The following GUCY2C variants were observed in gnomAD, a reference collection of about 807,000 sequenced individuals.
GUCY2C encodes the protein guanylyl cyclase C.
Under a neutral mutation model 131.1 loss-of-function variants are expected in GUCY2C, and 118 were observed. That is an observed-to-expected ratio of 0.90 (90% CI 0.78 to 1.05). The LOEUF (loss-of-function observed/expected upper bound fraction) is 1.05, where lower values mean the gene tolerates loss of function less well. Among genes scored for constraint, GUCY2C ranks in the 50% least tolerant of loss-of-function variants. The pLI is 0.00. For synonymous variants in GUCY2C, 452 were observed against 457.8 expected (o/e 0.99, Z 0.16); for missense variants, 1,161 against 1,304.4 (o/e 0.89, Z 1.69).
At chr12:14,672,698 G>A (rs1430845357) in intron 9 of GUCY2C, among the ~76,000 whole-genome samples, 175 bp downstream of exon 9, 3 of 152,114 alleles carry the variant, frequency 2.0e-5, no homozygotes, top group South Asian at 4.1e-4. Flanking sequence ...AGTTTTATGG[G>A]TCAAAATGCT....
intron 3 of GUCY2C, among the ~76,000 whole-genome samples, chr12:14,683,653 G>A (rs536759839): frequency 2.0e-5 from 3 of 152,256 alleles, no homozygotes; most frequent in East Asian, 3.9e-4. Flanking sequence ...CTTCTCCCCA[G>A]CTTGTTCACC....
In GUCY2C at chr12:14,670,816, AT is replaced by A. The variant is rs537490174; in HGVS notation, c.1171-984del. Among the ~76,000 whole-genome samples, 839 of 151,878 alleles carry A rather than the reference AT, an allele frequency of 5.5e-3. 9 individuals are homozygous for A. Among genetic ancestry groups the A allele is most frequent in the Middle Eastern group, 0.01 (3 of 294 alleles). Reference sequence around the variant, plus strand: ...GGAGTCCATGAAACCTCTGAAAAAAATTTTTTTTTTCTCTTTTTTTTGGGGA... The same window carrying A: ...GGAGTCCATGAAACCTCTGAAAAAAATTTTTTTTTCTCTTTTTTTTGGGGA... On this transcript the variant is annotated intron_variant, in intron 9 of 26. Coordinates refer to ENST00000261170, the MANE Select transcript of GUCY2C (RefSeq NM_004963.4).
intron 10 of GUCY2C, 29 bp from the exon 11 acceptor site, chr12:14,661,091 CT>C: frequency 2.1e-6 from 3 of 1,411,350 alleles, no homozygotes; most frequent in Non-Finnish European, 2.0e-6. Flanking sequence ...TAGGAAGGAC[CT>C]TAGACAAGAG....
intron 21 of GUCY2C, among the ~76,000 whole-genome samples, chr12:14,624,982 G>C (rs959407245): frequency 6.6e-6 from 1 of 152,176 alleles, no homozygotes; most frequent in African/African-American, 2.4e-5. Context: ...TATTTATGGA[G>C]CTGTGATAGA....
intron 9 of GUCY2C, among the ~76,000 whole-genome samples, chr12:14,671,243 C>T (rs529119994): frequency 6.6e-6 from 1 of 152,160 alleles, no homozygotes; most frequent in African/African-American, 2.4e-5. Context: ...GTTCAAATGA[C>T]TCTCCTGTCT....
At chr12:14,680,655 C>T (rs1948330642) in intron 5 of GUCY2C, among the ~76,000 whole-genome samples, 1 of 152,038 alleles carries the variant, frequency 6.6e-6, no homozygotes, top group African/African-American at 2.4e-5. Flanking sequence ...CCCCTAATAT[C>T]TTAGTGAGGA....
At chr12:14,687,894 C>T in intron 2 of GUCY2C, 57 bp downstream of exon 2, 2 of 922,098 alleles carry the variant, frequency 2.2e-6, no homozygotes, top group Non-Finnish European at 3.6e-6. Context: ...ACATTTCACA[C>T]TGGGATTATC....
chr12:14,625,422 G>A (rs945725761), intron 21 of GUCY2C, among the ~76,000 whole-genome samples: 9 of 151,376 alleles, frequency 5.9e-5, no homozygotes, highest in African/African-American at 1.9e-4. Flanking sequence ...CCGCATCTTG[G>A]GTTCACTCCA....
At chr12:14,684,554 T>G (rs1948420237) in intron 3 of GUCY2C, among the ~76,000 whole-genome samples, 1 of 149,354 alleles carries the variant, frequency 6.7e-6, no homozygotes, top group South Asian at 2.2e-4. Context: ...TCTCTCTCTT[T>G]CTTTCTTTCC....
intron 4 of GUCY2C, 81 bp from the exon 5 acceptor site, chr12:14,681,558 A>G (rs1054258279): frequency 1.7e-5 from 20 of 1,203,058 alleles, no homozygotes; most frequent in South Asian, 1.0e-4. Flanking sequence ...TTGCAGATCT[A>G]TCCTGGGATT....
rs1464176468 is a variant in GUCY2C, at chr12:14,634,672, C to A, written c.2157+5190G>T. Among the ~76,000 whole-genome samples, 3 of 152,256 alleles carry A rather than the reference C, an allele frequency of 2.0e-5. No homozygotes were observed. In the East Asian group the frequency reaches 5.8e-4, roughly 29 times the overall value. On this transcript the variant is annotated intron_variant, in intron 19 of 26. Coordinates refer to ENST00000261170, the MANE Select transcript of GUCY2C (RefSeq NM_004963.4). The stretch of plus-strand genomic sequence containing the variant: ...TTCACTTAAAAGATATAGACTGGTT[C>A]AATGGATTTTTAAAAATGACCCAAC...
intron 3 of GUCY2C, among the ~76,000 whole-genome samples, chr12:14,684,601 C>T (rs1284412953): frequency 0.06 from 131 of 2,188 alleles, 5 homozygotes; most frequent in African/African-American, 0.18. Context: ...TCCTTCCTTC[C>T]TTCCTTCCTT....
At chr12:14,622,841 C>A (rs1946923292) in intron 21 of GUCY2C, among the ~76,000 whole-genome samples, 1 of 152,094 alleles carries the variant, frequency 6.6e-6, no homozygotes, top group Non-Finnish European at 1.5e-5. Context: ...ATTAAAGCAA[C>A]TTTTAGAATA....
intron 7 of GUCY2C, among the ~76,000 whole-genome samples, chr12:14,675,207 C>CAAAAAAAAAAAAAAAAAAAAAA (rs35870014): frequency 2.9e-5 from 1 of 34,784 alleles, no homozygotes; most frequent in African/African-American, 1.2e-4. Context: ...AACTCCATCT[C>CAAAAAAAAAAAAAAAAAAAAAA]AAAAAAAAAA....
At chr12:14,634,388 C>T (rs973687125) in intron 19 of GUCY2C, among the ~76,000 whole-genome samples, 1 of 152,150 alleles carries the variant, frequency 6.6e-6, no homozygotes, top group Non-Finnish European at 1.5e-5. Context: ...TGCTTCAGGG[C>T]GTCCTACGCC....
chr12:14,660,258 T>A (rs189253793), intron 11 of GUCY2C, among the ~76,000 whole-genome samples: 446 of 152,368 alleles, frequency 2.9e-3, no homozygotes, highest in Non-Finnish European at 4.6e-3. Flanking sequence ...ATTATAAGTT[T>A]GGCATTTAAC....
intron 19 of GUCY2C, among the ~76,000 whole-genome samples, chr12:14,632,324 A>T (rs1264237253): frequency 6.6e-6 from 1 of 152,122 alleles, no homozygotes; most frequent in Non-Finnish European, 1.5e-5. Flanking sequence ...CTGAATGGTA[A>T]TGCCTAGGTT....
chr12:14,619,348 G>T (rs771923649), intron 23 of GUCY2C, 39 bp from the exon 24 acceptor site: 2 of 1,278,424 alleles, frequency 1.6e-6, no homozygotes, highest in Non-Finnish European at 2.3e-6. Flanking sequence ...GGAGGCAATA[G>T]AAATTGCAGA....
Position 14,674,681 on chromosome 12 carries a change from C to T in GUCY2C, c.1028G>A (p.Gly343Glu), listed in dbSNP as rs747408617. Residue 343 changes from glycine to glutamate, a missense_variant, in exon 8 of 27, where the codon GGA becomes GAA. Coordinates refer to ENST00000261170, the MANE Select transcript of GUCY2C (RefSeq NM_004963.4). ...AAATTTGGGGGTGGTAATATTTTCT[C>T]CATTTTCAAGAAATATCTTCAGCAT... ...GHMLKIFLEN[G>E]ENITTPKFAH... is the part of the protein sequence containing the mutation. 4.3e-6 allele frequency: 7 copies of T among 1,612,832 alleles called. No homozygotes were observed. The South Asian group carries it at 7.7e-5, about 18-fold the overall frequency.
Sources: allele counts gnomAD v4.1 joint callset (sites outside exome capture counted in the v4.1 genomes callset), GRCh38; gene constraint gnomAD v4.1.1; transcripts MANE v1.5; gene names NCBI Gene and HGNC (gene_info 2026-07-23, HGNC 2026-07-21).